HECW2: variants seen among roughly 807,000 people sequenced by gnomAD.
The protein encoded by HECW2 is HECT, C2 and WW domain containing E3 ubiquitin protein ligase 2.
In HECW2, 61 loss-of-function variants were observed where a neutral mutation model predicts 175.2. The ratio of observed to expected loss-of-function variants is 0.35; its 90% CI spans 0.28 to 0.43. The LOEUF is 0.43. Among genes scored for constraint, HECW2 ranks in the 20% least tolerant of loss-of-function variants. The pLI is 1.00. For synonymous variants in HECW2, 671 were observed against 731.0 expected, an observed-to-expected ratio of 0.92 and a Z score of 1.32; for missense variants, 1,524 against 2,000.5, an observed-to-expected ratio of 0.76 and a Z score of 4.54.
At chr2:196,562,969 G>A (rs1280019184) in intron 1 of HECW2, among the ~76,000 whole-genome samples, 1 of 152,088 alleles carries the variant, frequency 6.6e-6, no homozygotes, top group African/African-American at 2.4e-5. Context: ...CTTGAGCCTG[G>A]GAGGTTGAGG....
chr2:196,330,004 C>T (rs1692299450), intron 4 of HECW2, among the ~76,000 whole-genome samples: 1 of 152,050 alleles, frequency 6.6e-6, no homozygotes, highest in Non-Finnish European at 1.5e-5. Context: ...CATCAAGTTC[C>T]TTCAGATTTG....
intron 2 of HECW2, among the ~76,000 whole-genome samples, chr2:196,362,762 C>G (rs1475457649): frequency 6.6e-6 from 1 of 152,110 alleles, no homozygotes; most frequent in Non-Finnish European, 1.5e-5. Context: ...AGGGAAATCC[C>G]CAGTCCAGAT....
intron 14 of HECW2, 169 bp from the exon 15 acceptor site, chr2:196,278,831 AT>A: frequency 1.5e-6 from 1 of 666,438 alleles, no homozygotes; most frequent in Non-Finnish European, 2.5e-6. Flanking sequence ...GACAGATCAG[AT>A]TAGAGAAAGC....
intron 2 of HECW2, among the ~76,000 whole-genome samples, chr2:196,367,250 G>T (rs935501090): frequency 1.3e-5 from 2 of 152,158 alleles, no homozygotes; most frequent in African/African-American, 4.8e-5. Flanking sequence ...AGAATCATCT[G>T]GGACTCATGT....
intron 17 of HECW2, chr2:196,269,541 C>T (rs1343268090): frequency 7.5e-6 from 1 of 134,000 alleles, no homozygotes; most frequent in African/African-American, 2.8e-5. Flanking sequence ...CCAAGAATAT[C>T]GTGAGTATAT....
intron 19 of HECW2, among the ~76,000 whole-genome samples, chr2:196,243,393 C>T (rs1238722753): frequency 6.6e-6 from 1 of 151,710 alleles, no homozygotes; most frequent in African/African-American, 2.4e-5. Context: ...TCTTGAACTC[C>T]CGACCTCAGG....
At chr2:196,266,591 T>C (rs998415773) in intron 17 of HECW2, among the ~76,000 whole-genome samples, 2 of 152,180 alleles carry the variant, frequency 1.3e-5, no homozygotes, top group African/African-American at 4.8e-5. Flanking sequence ...AGTAAATTCA[T>C]GCTATTTTCA....
At chr2:196,434,686 A>G (rs1413619433) in intron 1 of HECW2, among the ~76,000 whole-genome samples, 5 of 152,172 alleles carry the variant, frequency 3.3e-5, no homozygotes, top group African/African-American at 4.8e-5. Flanking sequence ...CCACTCATGA[A>G]TTTATGGATT....
intron 1 of HECW2, among the ~76,000 whole-genome samples, chr2:196,563,251 G>A (rs568366721): frequency 1.8e-4 from 28 of 152,118 alleles, no homozygotes; most frequent in African/African-American, 6.3e-4. Flanking sequence ...ATGTTATAAC[G>A]TTATCTTAGT....
At chr2:196,247,810 T>C (rs958476698) in intron 19 of HECW2, among the ~76,000 whole-genome samples, 1 of 152,202 alleles carries the variant, frequency 6.6e-6, no homozygotes, top group Non-Finnish European at 1.5e-5. Context: ...ACCCAGAACC[T>C]GGACTGTTCT....
At chr2:196,510,415 T>C (rs1171284642) in intron 1 of HECW2, among the ~76,000 whole-genome samples, 10 of 152,142 alleles carry the variant, frequency 6.6e-5, no homozygotes, top group Admixed American at 6.5e-4. Context: ...CTTACCAGCA[T>C]CCTCCTCCAC....
intron 21 of HECW2, among the ~76,000 whole-genome samples, chr2:196,235,253 A>G (rs1170793415): frequency 2.6e-5 from 4 of 151,912 alleles, no homozygotes; most frequent in Admixed American, 2.0e-4. Context: ...ACTCACCACC[A>G]TGCCCAGCTA....
chr2:196,552,130 G>A (rs1376236781), intron 1 of HECW2, among the ~76,000 whole-genome samples: 1 of 152,160 alleles, frequency 6.6e-6, no homozygotes, highest in East Asian at 1.9e-4. Context: ...GAGAGATGCA[G>A]GGAACTAATA....
intron 28 of HECW2, among the ~76,000 whole-genome samples, chr2:196,213,210 C>A (rs1687352223): frequency 1.3e-5 from 2 of 152,136 alleles, no homozygotes; most frequent in African/African-American, 4.8e-5. Flanking sequence ...TTTTTTCCCT[C>A]CGAATGTACT....
At chr2:196,539,159 T>C (rs1689120681) in intron 1 of HECW2, among the ~76,000 whole-genome samples, 1 of 152,164 alleles carries the variant, frequency 6.6e-6, no homozygotes, top group Non-Finnish European at 1.5e-5. Context: ...CCTAAGTTCT[T>C]GTCTGGGGTG....
intron 2 of HECW2, chr2:196,362,125 A>C (rs1348862983): frequency 5.0e-5 from 49 of 985,232 alleles, no homozygotes; most frequent in Non-Finnish European, 5.9e-5. Context: ...GAATGACACT[A>C]AAAGCCACTC....
chr2:196,493,386 A>T (rs933422557), intron 1 of HECW2: 1 of 152,214 alleles, frequency 6.6e-6, no homozygotes, highest in African/African-American at 2.4e-5. Flanking sequence ...CTGTCAGAAC[A>T]ACAACAAAAA....
In HECW2 at chr2:196,247,097, C is replaced by T. The variant is rs568595123; in HGVS notation, c.3530-4893G>A. On this transcript the variant is annotated intron_variant, in intron 19 of 28. Coordinates refer to ENST00000644978, the MANE Select transcript of HECW2 (RefSeq NM_001348768.2). ...CCAACATGGTGAAACCCCGTCTCTA[C>T]TAAAAACACAAAAATTAGCTGGGTG... Among the ~76,000 whole-genome samples the T allele has an allele frequency of 5.9e-5, 9 of 152,066 alleles. No homozygotes were observed. The South Asian group carries it at 1.9e-3, about 32-fold the overall frequency.
chr2:196,337,155 C>T (rs1229561975), intron 3 of HECW2, among the ~76,000 whole-genome samples: 1 of 152,030 alleles, frequency 6.6e-6, no homozygotes. Context: ...TCCCCTCTGA[C>T]AAAGGGGGAG....
Sources: allele counts gnomAD v4.1 joint callset (sites outside exome capture counted in the v4.1 genomes callset), GRCh38; gene constraint gnomAD v4.1.1; transcripts MANE v1.5; gene names NCBI Gene and HGNC (gene_info 2026-07-23, HGNC 2026-07-21).